The following CEMIP variants were observed in gnomAD, a reference collection of about 807,000 sequenced individuals.
CEMIP encodes the protein cell migration-inducing and hyaluronan-binding protein.
In CEMIP, 105 loss-of-function variants were observed where a neutral mutation model predicts 156.9. The observed-to-expected ratio is 0.67, with a 90% CI of 0.57 to 0.79. The LOEUF is 0.79. CEMIP is among the 30% of genes least tolerant of loss of function. The pLI is 0.00. For synonymous variants in CEMIP, 676 were observed against 668.4 expected (o/e 1.01, Z -0.17); for missense variants, 1,457 against 1,769.4 (o/e 0.82, Z 3.17).
At chr15:80,928,742 G>A (rs905595115) in intron 19 of CEMIP, among the ~76,000 whole-genome samples, 160 bp from the exon 20 acceptor site, 1 of 152,210 alleles carries the variant, frequency 6.6e-6, no homozygotes, top group African/African-American at 2.4e-5. Context: ...CAGAACAGGA[G>A]AGCCACAACT....
At position 80,827,840 on chromosome 15, in the gene CEMIP, T is replaced by C. The variant is rs1596116024; in HGVS notation, c.-175-45698T>C. On this transcript the variant is annotated intron_variant, in intron 1 of 29. Coordinates refer to ENST00000394685, the MANE Select transcript of CEMIP (RefSeq NM_001293298.2). ...CCTCAAAACTGTGGAATTCCCAAGC[T>C]GGCAAAATTAATTTACTGTCAGTTT... Among the ~76,000 whole-genome samples, 3 of 152,162 alleles carry C rather than the reference T, an allele frequency of 2.0e-5. No homozygotes were observed. The East Asian group carries it at 5.8e-4, about 29-fold the overall frequency.
chr15:80,862,751 G>A (rs1428742332), intron 1 of CEMIP, among the ~76,000 whole-genome samples: 3 of 152,226 alleles, frequency 2.0e-5, no homozygotes, highest in Non-Finnish European at 4.4e-5. Flanking sequence ...GTGAGAGGCT[G>A]TGGCTGTGAA....
chr15:80,890,267 A>C (rs1898991095), intron 10 of CEMIP, among the ~76,000 whole-genome samples: 1 of 152,056 alleles, frequency 6.6e-6, no homozygotes, highest in African/African-American at 2.4e-5. Context: ...AGGCTGCTTA[A>C]ATGCTTGATA....
chr15:80,801,328 T>C (rs962013400), intron 1 of CEMIP, among the ~76,000 whole-genome samples: 1 of 152,192 alleles, frequency 6.6e-6, no homozygotes, highest in Non-Finnish European at 1.5e-5. Context: ...GGCTGGCTGG[T>C]CTAGGATGGC....
In CEMIP at chr15:80,932,809, C is replaced by G. The variant is rs1900971495; in HGVS notation, c.2794-436C>G. Among the ~76,000 whole-genome samples the G allele has an allele frequency of 6.6e-6, 1 of 152,224 alleles. No homozygotes were observed. The highest frequency in any genetic ancestry group is 1.5e-5 in the Non-Finnish European group (1 of 68,038). On this transcript the variant is annotated intron_variant, in intron 22 of 29. Coordinates refer to ENST00000394685, the MANE Select transcript of CEMIP (RefSeq NM_001293298.2). This position sits in a 1 kb window ranked among gnomAD's most constrained non-coding sequence, Gnocchi z 4.5. ...CTGAAACGTGCCACATGCATCTTCTCTCGCACACGGATGCCCCCGTGTATG... is the reference window on the plus strand; with the variant it reads ...CTGAAACGTGCCACATGCATCTTCTGTCGCACACGGATGCCCCCGTGTATG...
chr15:80,826,005 A>G (rs1039009448), intron 1 of CEMIP, among the ~76,000 whole-genome samples: 6 of 152,110 alleles, frequency 3.9e-5, no homozygotes, highest in African/African-American at 1.2e-4. Context: ...CCCACCTACA[A>G]TTGTACAAAT....
chr15:80,889,596 C>T lies in CEMIP; in HGVS notation c.1086+4C>T. On this transcript the variant is annotated splice_donor_region_variant and intron_variant, in intron 10 of 29. Coordinates refer to ENST00000394685, the MANE Select transcript of CEMIP (RefSeq NM_001293298.2). The stretch of plus-strand genomic sequence containing the variant: ...CAATCGTCCCATTGATATACAGGTA[C>T]CAAACTCACAGCAAAAATAGAAAAT... 6.2e-7 allele frequency: 1 copy of T among 1,614,042 alleles called. No individual in the cohort carries two copies. The highest frequency in any genetic ancestry group is 8.5e-7 in the Non-Finnish European group (1 of 1,179,970).
chr15:80,889,309 C>T (rs1203034947), intron 9 of CEMIP, among the ~76,000 whole-genome samples, 162 bp from the exon 10 acceptor site: 1 of 152,168 alleles, frequency 6.6e-6, no homozygotes, highest in Non-Finnish European at 1.5e-5. Flanking sequence ...AACATGGGAG[C>T]ATAGGCAGAT....
intron 1 of CEMIP, among the ~76,000 whole-genome samples, chr15:80,869,410 C>T (rs1596145560): frequency 1.3e-5 from 2 of 152,170 alleles, no homozygotes; most frequent in Non-Finnish European, 2.9e-5. Context: ...GTGGTTGATT[C>T]CAAAGCCTGC....
chr15:80,855,463 C>G (rs1212575098), intron 1 of CEMIP, among the ~76,000 whole-genome samples: 1 of 151,918 alleles, frequency 6.6e-6, no homozygotes, highest in Non-Finnish European at 1.5e-5. Context: ...ACAGCTCGTT[C>G]TCACTGCATT....
intron 12 of CEMIP, among the ~76,000 whole-genome samples, chr15:80,905,519 G>A (rs1377880752): frequency 6.6e-6 from 1 of 152,148 alleles, no homozygotes; most frequent in Admixed American, 6.5e-5. Context: ...GAGTGGGGAG[G>A]AAGGGACTGC....
intron 1 of CEMIP, among the ~76,000 whole-genome samples, chr15:80,870,990 T>C (rs1190702551): frequency 6.6e-5 from 10 of 152,148 alleles, no homozygotes; most frequent in Non-Finnish European, 8.8e-5. Flanking sequence ...CTTCCAGCAT[T>C]GTTAGCTAAC....
At chr15:80,804,176 G>C (rs1280342544) in intron 1 of CEMIP, among the ~76,000 whole-genome samples, 1 of 152,172 alleles carries the variant, frequency 6.6e-6, no homozygotes, top group African/African-American at 2.4e-5. Flanking sequence ...ACAATGCATC[G>C]GAATTATGAG....
At position 80,880,239 on chromosome 15, in the gene CEMIP, A is replaced by G. The variant is rs894359900; in HGVS notation, c.380+385A>G. ...CTTTAAACAATTGAGAGTGCTAAGA[A>G]GTGAGAGTCAGGAATGCACAAGGAT... On this transcript the variant is annotated intron_variant, in intron 5 of 29. Coordinates refer to ENST00000394685, the MANE Select transcript of CEMIP (RefSeq NM_001293298.2). 3.3e-5 allele frequency among the ~76,000 whole-genome samples: 5 copies of G among 152,224 alleles called. No individual in the cohort carries two copies. In the South Asian group the frequency reaches 1.0e-3, roughly 32 times the overall value.
In CEMIP at chr15:80,906,118, G is replaced by A. The variant is rs1899791329; in HGVS notation, c.1412-545G>A. 6.6e-6 allele frequency among the ~76,000 whole-genome samples: 1 copy of A among 152,242 alleles called. No individual in the cohort carries two copies. The highest frequency in any genetic ancestry group is 1.5e-5 in the Non-Finnish European group (1 of 68,036). ...TAAAGCAGGGGCTTTAAAGACAGAG[G>A]GGTTCTGTTTTATCTTCCTAAGATC... On this transcript the variant is annotated intron_variant, in intron 12 of 29. Transcript: ENST00000394685. The surrounding 1 kb of genome is among the most constrained non-coding windows in gnomAD (Gnocchi z 4.3).
chr15:80,893,086 C>G (rs1465277898), intron 10 of CEMIP, among the ~76,000 whole-genome samples: 1 of 151,916 alleles, frequency 6.6e-6, no homozygotes, highest in Non-Finnish European at 1.5e-5. Flanking sequence ...ACTCGGGAGG[C>G]TGAGGCAGAA....
chr15:80,797,719 A>T (rs2141594344), intron 1 of CEMIP, among the ~76,000 whole-genome samples: 1 of 152,304 alleles, frequency 6.6e-6, no homozygotes, highest in African/African-American at 2.4e-5. Context: ...CAGCTTGGGT[A>T]CTTAGGTGCC....
intron 25 of CEMIP, 155 bp downstream of exon 25, chr15:80,938,134 A>G (rs1901204192): frequency 3.1e-6 from 2 of 648,808 alleles, no homozygotes; most frequent in African/African-American, 1.8e-5. Flanking sequence ...TGTCCCATAC[A>G]TTAACGACAT....
In CEMIP at chr15:80,877,663, G is replaced by T. The variant is rs147113126; in HGVS notation, c.95-1058G>T. 6.0e-3 allele frequency among the ~76,000 whole-genome samples: 918 copies of T among 152,262 alleles called. 11 individuals are homozygous for T. Among genetic ancestry groups the T allele is most frequent in the African/African-American group, 0.021 (882 of 41,538 alleles). On this transcript the variant is annotated intron_variant, in intron 3 of 29. Transcript: ENST00000394685. The stretch of plus-strand genomic sequence containing the variant: ...GACAGCGCCAGTCCTCCTCACTCAA[G>T]CCCACCTCAGGACACTGCTGGGTCA...
Sources: gnomAD v4.1 joint callset for allele counts (sites outside exome capture counted in the v4.1 genomes callset) on GRCh38, gnomAD v4.1.1 for gene constraint, Gnocchi (gnomAD v3.1) non-coding constraint, MANE v1.5 for transcripts, NCBI Gene and HGNC (gene_info 2026-07-23, HGNC 2026-07-21) for gene names.